The following CHN2 variants were observed in gnomAD, a reference collection of about 807,000 sequenced individuals.
CHN2 encodes the protein chimerin 2, also known as beta-chimaerin.
CHN2 carries 35 observed loss-of-function variants against 56.3 expected under a neutral mutation model. The observed-to-expected ratio is 0.62, with a 90% CI of 0.47 to 0.82. The LOEUF (loss-of-function observed/expected upper bound fraction) is 0.82. Ranked by LOEUF, CHN2 falls within the 40% of genes least tolerant of loss-of-function variation. The pLI, the probability that CHN2 is intolerant of heterozygous loss-of-function variation, is 0.00. For missense variants in CHN2, 491 were observed against 580.5 expected (o/e 0.85, Z 1.58); for synonymous variants, 210 against 212.8 (o/e 0.99, Z 0.12).
At chr7:29,488,337 AT>A (rs910451097) in intron 7 of CHN2, among the ~76,000 whole-genome samples, 6 of 152,222 alleles carry the variant, frequency 3.9e-5, no homozygotes, top group Non-Finnish European at 7.3e-5. Context: ...AATACAGTAA[AT>A]TATAGGAAAA....
chr7:29,474,153 T>C (rs903877612), intron 6 of CHN2, among the ~76,000 whole-genome samples: 1 of 152,212 alleles, frequency 6.6e-6, no homozygotes, highest in Non-Finnish European at 1.5e-5. Flanking sequence ...TATACATGGC[T>C]CAGGAGCCTA....
chr7:29,486,446 A>T (rs906455585), intron 7 of CHN2, among the ~76,000 whole-genome samples: 3 of 152,116 alleles, frequency 2.0e-5, no homozygotes, highest in Admixed American at 2.0e-4. Context: ...TGGAGGCCCT[A>T]TCAGGATGTG....
At chr7:29,206,263 G>A (rs551158639) in intron 1 of CHN2, among the ~76,000 whole-genome samples, 29 of 152,182 alleles carry the variant, frequency 1.9e-4, no homozygotes, top group South Asian at 1.0e-3. Context: ...ATTAGTCACA[G>A]GCCTTCAGTA....
rs1391456294 is a variant in CHN2 at position 29,512,132 on chromosome 7, C to T, written c.1236-432C>T. Among the ~76,000 whole-genome samples, 4 of 152,070 alleles carry T rather than the reference C, an allele frequency of 2.6e-5. No individual in the cohort carries two copies. In the South Asian group the frequency reaches 8.3e-4, roughly 32 times the overall value. On this transcript the variant is annotated intron_variant, in intron 12 of 12. Transcript: ENST00000222792. ...CCTCCCAGCAGAGAGGGATCCTGCC[C>T]TTCCCTTCCCACTCTCCAGCATACA...
intron 2 of CHN2, among the ~76,000 whole-genome samples, chr7:29,179,238 A>G (rs1797763984): frequency 6.6e-6 from 1 of 152,224 alleles, no homozygotes; most frequent in South Asian, 2.1e-4. Context: ...CCCCTCACAC[A>G]GCACTGCATG....
chr7:29,475,406 A>G (rs1002109908), intron 6 of CHN2, among the ~76,000 whole-genome samples: 2 of 152,226 alleles, frequency 1.3e-5, no homozygotes, highest in Non-Finnish European at 2.9e-5. Context: ...TCGTTGACAG[A>G]CTATAATGGG....
chr7:29,260,448 A>C (rs1486222713), intron 1 of CHN2, among the ~76,000 whole-genome samples: 1 of 151,948 alleles, frequency 6.6e-6, no homozygotes, highest in Non-Finnish European at 1.5e-5. Context: ...TCTGGAGAGG[A>C]GCATCAGAGG....
chr7:29,292,734 G>A (rs1384453579), intron 1 of CHN2: 8 of 352,854 alleles, frequency 2.3e-5, no homozygotes, highest in African/African-American at 1.7e-4. Context: ...TTGTTGTATT[G>A]GTTTGGGGGG....
chr7:29,295,901 T>A (rs1793115803), intron 1 of CHN2, among the ~76,000 whole-genome samples: 1 of 152,120 alleles, frequency 6.6e-6, no homozygotes, highest in South Asian at 2.1e-4. Context: ...TGTGGGAGGT[T>A]TCACTGATGC....
intron 1 of CHN2, among the ~76,000 whole-genome samples, chr7:29,352,350 C>CATGT (rs1194707325): frequency 6.7e-6 from 1 of 149,862 alleles, no homozygotes; most frequent in Non-Finnish European, 1.5e-5. Flanking sequence ...TGCAGTCTGT[C>CATGT]GTGTGTGTGT....
Position 29,333,814 on chromosome 7 carries a change from T to G in CHN2, c.50-20811T>G, listed in dbSNP as rs371767666. ...CCGGAAGCAGTATCTTTCATAGTGGTGAGTTCTGGATTTTCAGCAGTAATG... is the reference window on the plus strand; with the variant it reads ...CCGGAAGCAGTATCTTTCATAGTGGGGAGTTCTGGATTTTCAGCAGTAATG... On this transcript the variant is annotated intron_variant, in intron 1 of 12. Coordinates refer to ENST00000222792, the MANE Select transcript of CHN2 (RefSeq NM_004067.4). Among the ~76,000 whole-genome samples, 41 of 152,054 alleles carry G rather than the reference T, an allele frequency of 2.7e-4. 1 individual carries two copies. In the South Asian group the frequency reaches 8.3e-3, roughly 31 times the overall value.
intron 5 of CHN2, among the ~76,000 whole-genome samples, 166 bp downstream of exon 5, chr7:29,398,652 A>C (rs1214301463): frequency 2.6e-5 from 4 of 152,072 alleles, no homozygotes; most frequent in Non-Finnish European, 5.9e-5. Context: ...GCTGGAGTGC[A>C]GTGGCACAAT....
At position 29,252,031 on chromosome 7, in the gene CHN2, A is replaced by G. The variant is rs145464949; in HGVS notation, c.49+57041A>G. On this transcript the variant is annotated intron_variant, in intron 1 of 12. Transcript: ENST00000222792. Reference sequence around the variant, plus strand: ...AACAGCAATAGAAAGGCTCTGGGCTAGGAGAGAAACTGAGGTTTAGGTAAA... The same window carrying G: ...AACAGCAATAGAAAGGCTCTGGGCTGGGAGAGAAACTGAGGTTTAGGTAAA... 5.3e-4 allele frequency among the ~76,000 whole-genome samples: 80 copies of G among 152,274 alleles called. 3 individuals carry two copies. The highest frequency in any genetic ancestry group is 6.8e-3 in the Middle Eastern group (2 of 294).
chr7:29,252,281 C>T (rs1029885729), intron 1 of CHN2, among the ~76,000 whole-genome samples: 2 of 150,072 alleles, frequency 1.3e-5, no homozygotes, highest in African/African-American at 4.9e-5. Flanking sequence ...CTCCACCTTC[C>T]AGGTTCACGA....
At chr7:29,156,706 G>A (rs1794424821) in intron 2 of CHN2, among the ~76,000 whole-genome samples, 1 of 152,136 alleles carries the variant, frequency 6.6e-6, no homozygotes, top group Non-Finnish European at 1.5e-5. Context: ...TAGTATGAAA[G>A]CGACTATGTA....
chr7:29,323,855 A>G (rs1417642082), intron 1 of CHN2, among the ~76,000 whole-genome samples: 2 of 151,044 alleles, frequency 1.3e-5, no homozygotes, highest in African/African-American at 4.9e-5. Context: ...TACAGAAAAA[A>G]TAGCCGGGCG....
chr7:29,457,531 A>C (rs560048336), intron 6 of CHN2, among the ~76,000 whole-genome samples: 1 of 152,194 alleles, frequency 6.6e-6, no homozygotes, highest in Non-Finnish European at 1.5e-5. Context: ...CCCAGAAGAC[A>C]GTCATTGTAT....
intron 1 of CHN2, among the ~76,000 whole-genome samples, chr7:29,250,711 C>CTTTTTTTTTT (rs529820110): frequency 9.1e-6 from 1 of 110,224 alleles, no homozygotes; most frequent in East Asian, 2.1e-4. Flanking sequence ...TGAACTTCTT[C>CTTTTTTTTTT]TTTTTTTTTT....
chr7:29,363,950 T>C (rs1234667683), intron 2 of CHN2, among the ~76,000 whole-genome samples: 2 of 152,012 alleles, frequency 1.3e-5, no homozygotes, highest in African/African-American at 4.8e-5. Context: ...GACAAGAGGA[T>C]TGTTTGAACC....
Sources: allele counts gnomAD v4.1 joint callset (sites outside exome capture counted in the v4.1 genomes callset), GRCh38; gene constraint gnomAD v4.1.1; transcripts MANE v1.5; gene names NCBI Gene and HGNC (gene_info 2026-07-23, HGNC 2026-07-21).